The following TMEM117 variants were observed in gnomAD, a reference collection of about 807,000 sequenced individuals.
TMEM117 encodes the protein transmembrane protein 117.
In TMEM117, 27 loss-of-function variants were observed where a neutral mutation model predicts 52.4. The observed-to-expected ratio is 0.51, with a 90% CI of 0.38 to 0.71. TMEM117 has a LOEUF of 0.71. Ranked by LOEUF, TMEM117 falls within the 30% of genes least tolerant of loss-of-function variation. The pLI, the probability that TMEM117 is intolerant of heterozygous loss-of-function variation, is 0.00. For synonymous variants in TMEM117, 215 were observed against 206.3 expected, an observed-to-expected ratio of 1.04 and a Z score of -0.36; for missense variants, 556 against 630.5, an observed-to-expected ratio of 0.88 and a Z score of 1.26.
chr12:43,802,233 A>G, the TMEM117 span: 3 of 1,287,206 alleles, frequency 2.3e-6, no homozygotes, highest in Non-Finnish European at 3.1e-6. Flanking sequence ...TAGAAATTTC[A>G]AAAACATTTT....
intron 3 of TMEM117, among the ~76,000 whole-genome samples, chr12:44,048,306 C>T (rs558924801): frequency 1.3e-3 from 199 of 152,204 alleles, no homozygotes; most frequent in African/African-American, 4.4e-3. Context: ...CAAATTTTAG[C>T]TTCATTGATC....
chr12:43,989,050 A>G (rs987803385), intron 3 of TMEM117, among the ~76,000 whole-genome samples: 9 of 152,060 alleles, frequency 5.9e-5, no homozygotes, highest in Non-Finnish European at 8.8e-5. Context: ...TCATTTTTCA[A>G]TAAGTTATGT....
At chr12:44,119,847 T>G (rs1948204781) in intron 3 of TMEM117, among the ~76,000 whole-genome samples, 1 of 152,182 alleles carries the variant, frequency 6.6e-6, no homozygotes, top group Admixed American at 6.5e-5. Flanking sequence ...GAATCTAATG[T>G]GTAACCAGGG....
rs139546996 is a variant in TMEM117, at chr12:43,999,161, C to T, written c.410+54819C>T. On this transcript the variant is annotated intron_variant, in intron 3 of 7. Coordinates refer to ENST00000266534, the MANE Select transcript of TMEM117 (RefSeq NM_032256.3). Reference sequence around the variant, plus strand: ...ACATATATCAATATTCCAGTCATTCCGCTCCTAGAATGCTAGAATGCTGCT... The same window carrying T: ...ACATATATCAATATTCCAGTCATTCTGCTCCTAGAATGCTAGAATGCTGCT... 4.4e-4 allele frequency among the ~76,000 whole-genome samples: 67 copies of T among 152,238 alleles called. 1 individual carries two copies. Among genetic ancestry groups the T allele is most frequent in the East Asian group, 1.3e-3 (7 of 5,186 alleles).
At chr12:43,881,704 G>A (rs1216917047) in intron 2 of TMEM117, among the ~76,000 whole-genome samples, 3 of 138,426 alleles carry the variant, frequency 2.2e-5, no homozygotes, top group Middle Eastern at 4.3e-3. Context: ...CAGGAGAATC[G>A]CTTGAACCCA....
intron 6 of TMEM117, among the ~76,000 whole-genome samples, chr12:44,312,476 T>C (rs1289249361): frequency 6.6e-6 from 1 of 152,210 alleles, no homozygotes; most frequent in African/African-American, 2.4e-5. Context: ...TTCCAGGGTG[T>C]ACATGCATCA....
At chr12:43,948,888 T>G (rs1001910337) in intron 3 of TMEM117, among the ~76,000 whole-genome samples, 4 of 152,146 alleles carry the variant, frequency 2.6e-5, no homozygotes, top group African/African-American at 9.7e-5. Flanking sequence ...GCGGTAAGAC[T>G]AACAACTGAT....
chr12:43,974,448 A>G (rs1346799123), intron 3 of TMEM117, among the ~76,000 whole-genome samples: 1 of 152,156 alleles, frequency 6.6e-6, no homozygotes, highest in East Asian at 1.9e-4. Context: ...TATCCTTTAG[A>G]AAGTATGTTT....
intron 3 of TMEM117, among the ~76,000 whole-genome samples, chr12:44,040,519 A>G (rs553252268): frequency 6.6e-6 from 1 of 152,164 alleles, no homozygotes; most frequent in Admixed American, 6.5e-5. Flanking sequence ...AAATTTCTTC[A>G]TAATTTGAAT....
chr12:44,391,951 C>T (rs1952163804), downstream of TMEM117, among the ~76,000 whole-genome samples: 1 of 152,152 alleles, frequency 6.6e-6, no homozygotes, highest in Non-Finnish European at 1.5e-5. Context: ...CCAACTCTGA[C>T]CTATTAGCCA....
chr12:43,962,803 C>T (rs561991791), intron 3 of TMEM117, among the ~76,000 whole-genome samples: 1 of 152,182 alleles, frequency 6.6e-6, no homozygotes, highest in African/African-American at 2.4e-5. Flanking sequence ...CGGCGGGCGC[C>T]TGTAGTCCCA....
At chr12:44,283,345 C>T (rs1214743137) in intron 5 of TMEM117, among the ~76,000 whole-genome samples, 1 of 152,110 alleles carries the variant, frequency 6.6e-6, no homozygotes, top group Non-Finnish European at 1.5e-5. Flanking sequence ...TGAACGCCAG[C>T]CCATGAAAGC....
chr12:43,844,818 A>G lies in TMEM117; in HGVS notation c.167A>G (p.Asn56Ser). 1.2e-6 allele frequency: 2 copies of G among 1,614,220 alleles called. No homozygotes were observed. Among genetic ancestry groups the G allele is most frequent in the South Asian group, 1.1e-5 (1 of 91,086 alleles). Residue 56 changes from asparagine (N) to serine (S), a missense_variant, in exon 2 of 8, where the codon AAT (asparagine) becomes AGT (serine). Asn to Ser is a conservative substitution (Grantham distance 46). This residue lies in a region of TMEM117 where 328 missense variants were observed against 371.4 expected (regional missense o/e 0.88). Coordinates refer to ENST00000266534, the MANE Select transcript of TMEM117 (RefSeq NM_032256.3). Reference protein sequence around the residue: ...VVGNCFSFVTNKYPRGVGWRI... With the variant: ...VVGNCFSFVTSKYPRGVGWRI... ...GGAAACTGTTTTTCATTTGTTACAA[A>G]TAAATACCCTAGAGGAGTTGGCTGG... is the stretch of plus-strand genomic sequence containing the variant.
chr12:44,253,755 T>C (rs764863043), intron 5 of TMEM117, among the ~76,000 whole-genome samples: 1 of 151,732 alleles, frequency 6.6e-6, no homozygotes, highest in Non-Finnish European at 1.5e-5. Flanking sequence ...GGTGATGCAC[T>C]AGTAAGTGGT....
Position 44,389,053 on chromosome 12 carries a change from G to GATAC in TMEM117, c.*381_*382insATAC. 1 of 144,060 alleles carries GATAC rather than the reference G, an allele frequency of 6.9e-6. No individual in the cohort carries two copies. The allele number at this position is 144,060 out of a possible 1,614,324, so 8.9% of individuals were successfully genotyped here. ...AACAGTTACCTAACCTATTTCACAT[G>GATAC]GGCGTTTTGTATACAACTATTTTGA... On this transcript the variant is annotated 3_prime_UTR_variant, in exon 8 of 8. Coordinates refer to ENST00000266534, the MANE Select transcript of TMEM117 (RefSeq NM_032256.3).
chr12:43,808,661 C>T, the TMEM117 span, among the ~76,000 whole-genome samples: 4 of 151,810 alleles, frequency 2.6e-5, no homozygotes, highest in Non-Finnish European at 4.4e-5. Flanking sequence ...TGAGCTACTA[C>T]TAGGCCAAGT....
chr12:44,326,931 G>A (rs766363875), intron 6 of TMEM117, among the ~76,000 whole-genome samples: 3 of 152,186 alleles, frequency 2.0e-5, no homozygotes, highest in Non-Finnish European at 4.4e-5. Flanking sequence ...CGTATGTTAA[G>A]CTCTAGTCAA....
At chr12:44,379,991 G>GGT (rs1951997901) in intron 7 of TMEM117, among the ~76,000 whole-genome samples, 1 of 152,174 alleles carries the variant, frequency 6.6e-6, no homozygotes, top group Non-Finnish European at 1.5e-5. Context: ...TGATGCCTGA[G>GGT]GTATGCAGCA....
intron 2 of TMEM117, among the ~76,000 whole-genome samples, chr12:43,878,027 G>C (rs994994156): frequency 6.6e-6 from 1 of 151,324 alleles, no homozygotes; most frequent in Non-Finnish European, 1.5e-5. Flanking sequence ...CTTAGTGTGT[G>C]CATGTATATC....
Sources: gnomAD v4.1 joint callset for allele counts (sites outside exome capture counted in the v4.1 genomes callset) on GRCh38, gnomAD v4.1.1 for gene constraint, gnomAD v4.1.1 regional missense constraint, MANE v1.5 for transcripts, NCBI Gene and HGNC (gene_info 2026-07-23, HGNC 2026-07-21) for gene names.